The following ST3GAL4 variants were observed in gnomAD, a reference collection of about 807,000 sequenced individuals.
ST3GAL4 encodes CMP-N-acetylneuraminate-beta-galactosamide-alpha-2,3-sialyltransferase 4.
ST3GAL4 carries 24 observed loss-of-function variants against 42.6 expected under a neutral mutation model. The ratio of observed to expected loss-of-function variants is 0.56; its 90% confidence interval spans 0.41 to 0.79. The LOEUF is 0.79. ST3GAL4 is among the 30% of genes least tolerant of loss of function. ST3GAL4 has a pLI of 0.00. For missense variants in ST3GAL4, 311 were observed against 430.8 expected (o/e 0.72, Z 2.46); for synonymous variants, 135 against 163.2 (o/e 0.83, Z 1.32).
intron 1 of ST3GAL4, among the ~76,000 whole-genome samples, chr11:126,388,188 G>GT (rs1215552699): frequency 6.6e-6 from 1 of 152,188 alleles, no homozygotes; most frequent in Non-Finnish European, 1.5e-5. Flanking sequence ...GGTCCCTCGT[G>GT]TTTTGCTGTT....
rs2135390863 is a variant in ST3GAL4 at position 126,366,512 on chromosome 11, T to C, written c.-61+10670T>C. Among the ~76,000 whole-genome samples the C allele has an allele frequency of 6.6e-6, 1 of 152,160 alleles. No homozygotes were observed. The highest frequency in any genetic ancestry group is 1.9e-4 in the East Asian group (1 of 5,154). ...GACATGGGGAGGGGTGGGGCTTGCT[T>C]TCCTCACCCCGCTTCCCACGTCTTC... On this transcript the variant is annotated intron_variant, in intron 1 of 10. Transcript: ENST00000444328. This position sits in a 1 kb window ranked among gnomAD's most constrained non-coding sequence, Gnocchi z 4.2.
At chr11:126,377,912 T>A (rs1338913821) in intron 1 of ST3GAL4, among the ~76,000 whole-genome samples, 1 of 152,254 alleles carries the variant, frequency 6.6e-6, no homozygotes, top group Non-Finnish European at 1.5e-5. Context: ...ATTCGAAGTG[T>A]CAATTAAACT....
At chr11:126,387,578 G>A (rs988920382) in intron 1 of ST3GAL4, among the ~76,000 whole-genome samples, 2 of 151,980 alleles carry the variant, frequency 1.3e-5, no homozygotes, top group Non-Finnish European at 2.9e-5. Context: ...TGGGGAGGCT[G>A]AGGTGGGAGG....
At chr11:126,358,197 G>C (rs933018264) in intron 1 of ST3GAL4, among the ~76,000 whole-genome samples, 4 of 152,234 alleles carry the variant, frequency 2.6e-5, no homozygotes, top group Admixed American at 6.5e-5. Flanking sequence ...TGCCCCCTCA[G>C]TTCAGTCGCA....
intron 1 of ST3GAL4, among the ~76,000 whole-genome samples, chr11:126,390,522 A>G (rs1049994259): frequency 1.3e-4 from 20 of 151,602 alleles, no homozygotes; most frequent in African/African-American, 4.9e-5. Flanking sequence ...TTTGGTTTTA[A>G]TATGTATTCC....
rs1953837465 is a variant in ST3GAL4 at position 126,397,657 on chromosome 11, T to G, written c.-60-8439T>G. Among the ~76,000 whole-genome samples the G allele has an allele frequency of 6.6e-6, 1 of 152,178 alleles. No individual in the cohort carries two copies. Reference sequence around the variant, plus strand: ...CCATTACCACCAAGTAGGTAATTTATAAGGAGCAGAAGTTTATTTGGCTCA... The same window carrying G: ...CCATTACCACCAAGTAGGTAATTTAGAAGGAGCAGAAGTTTATTTGGCTCA... On this transcript the variant is annotated intron_variant, in intron 1 of 10. Coordinates refer to ENST00000444328, the MANE Select transcript of ST3GAL4 (RefSeq NM_001254757.2). The surrounding 1 kb of genome is among the most constrained non-coding windows in gnomAD (Gnocchi z 5.0).
At position 126,411,501 on chromosome 11, in the gene ST3GAL4, T is replaced by G. The variant is rs1288764810; in HGVS notation, c.772-2004T>G. On this transcript the variant is annotated intron_variant, in intron 9 of 10. Coordinates refer to ENST00000444328, the MANE Select transcript of ST3GAL4 (RefSeq NM_001254757.2). This position sits in a 1 kb window ranked among gnomAD's most constrained non-coding sequence, Gnocchi z 6.3. ...GTTTAGCCGGCTAAAACAATACCCATGTACTGGCTCATGGTCCTGTAGATC... is the reference window on the plus strand; with the variant it reads ...GTTTAGCCGGCTAAAACAATACCCAGGTACTGGCTCATGGTCCTGTAGATC... 6.6e-6 allele frequency among the ~76,000 whole-genome samples: 1 copy of G among 152,116 alleles called. No homozygotes were observed. Among genetic ancestry groups the G allele is most frequent in the African/African-American group, 2.4e-5 (1 of 41,420 alleles).
chr11:126,372,708 C>CCCGG (rs1952702390), intron 1 of ST3GAL4, among the ~76,000 whole-genome samples: 1 of 152,156 alleles, frequency 6.6e-6, no homozygotes, highest in South Asian at 2.1e-4. Context: ...GAGCCATTCA[C>CCCGG]CCGGCCGTCT....
rs34002567 is a variant in ST3GAL4, at chr11:126,392,960, CTTT to C, written c.-60-13120_-60-13118del. Among the ~76,000 whole-genome samples the C allele has an allele frequency of 8.4e-3, 1,075 of 127,792 alleles. 17 individuals carry two copies. Among genetic ancestry groups the C allele is most frequent in the African/African-American group, 0.029 (976 of 33,480 alleles). The allele number at this position is 127,792 out of a possible 152,430, so 83.8% of individuals were successfully genotyped here. On this transcript the variant is annotated intron_variant, in intron 1 of 10. Coordinates refer to ENST00000444328, the MANE Select transcript of ST3GAL4 (RefSeq NM_001254757.2). This position sits in a 1 kb window ranked among gnomAD's most constrained non-coding sequence, Gnocchi z 5.8. ...ATTTGTAACACGACCAACTCCTGTT[CTTT>C]TTTTTTTTTTTTTTTGAGACAGGCT...
rs1436093049 is a variant in ST3GAL4 at position 126,409,703 on chromosome 11, A to C, written c.771+292A>C. On this transcript the variant is annotated intron_variant, in intron 9 of 10. Transcript: ENST00000444328. This position sits in a 1 kb window ranked among gnomAD's most constrained non-coding sequence, Gnocchi z 4.9. ...GCTGGTCAGAATTTGTCAACTGGGGAGCTGCTGGAACAGTCAGTGGTCTGA... is the reference window on the plus strand; with the variant it reads ...GCTGGTCAGAATTTGTCAACTGGGGCGCTGCTGGAACAGTCAGTGGTCTGA... 6.6e-6 allele frequency among the ~76,000 whole-genome samples: 1 copy of C among 152,088 alleles called. No individual in the cohort carries two copies.
In ST3GAL4 at chr11:126,366,142, G is replaced by A. The variant is rs534354275; in HGVS notation, c.-61+10300G>A. Among the ~76,000 whole-genome samples the A allele has an allele frequency of 1.2e-4, 19 of 152,330 alleles. No homozygotes were observed. The highest frequency in any genetic ancestry group is 6.8e-3 in the Middle Eastern group (2 of 294). On this transcript the variant is annotated intron_variant, in intron 1 of 10. Coordinates refer to ENST00000444328, the MANE Select transcript of ST3GAL4 (RefSeq NM_001254757.2). This position sits in a 1 kb window ranked among gnomAD's most constrained non-coding sequence, Gnocchi z 4.2. ...CCCCTTAGAGGCTCCGGGCTGCCTG[G>A]TGATAGCTCCCAGGGACCTGCAAGC...
rs1953511915 is a variant in ST3GAL4 at position 126,391,491 on chromosome 11, A to AAGAC, written c.-60-14601_-60-14598dup. ...GACTTTAGGAGGTGCGGCTCTTGGAAAGACAGAGTGTGACTTCCCCAGTGT... is the reference window on the plus strand; with the variant it reads ...GACTTTAGGAGGTGCGGCTCTTGGAAAGACAGACAGAGTGTGACTTCCCCAGTGT... On this transcript the variant is annotated intron_variant, in intron 1 of 10. Coordinates refer to ENST00000444328, the MANE Select transcript of ST3GAL4 (RefSeq NM_001254757.2). This position sits in a 1 kb window ranked among gnomAD's most constrained non-coding sequence, Gnocchi z 5.5. Among the ~76,000 whole-genome samples, 1 of 152,078 alleles carries AAGAC rather than the reference A, an allele frequency of 6.6e-6. No homozygotes were observed. The highest frequency in any genetic ancestry group is 2.1e-4 in the South Asian group (1 of 4,824).
rs756182680 is a variant in ST3GAL4, at chr11:126,409,954, G to A, written c.771+543G>A. On this transcript the variant is annotated intron_variant, in intron 9 of 10. Coordinates refer to ENST00000444328, the MANE Select transcript of ST3GAL4 (RefSeq NM_001254757.2). This position sits in a 1 kb window ranked among gnomAD's most constrained non-coding sequence, Gnocchi z 4.9. ...GTCTCACTCTGCCACCCAGGATTGG[G>A]TGCAGTGGTGCAATCATAGCCCACT... Among the ~76,000 whole-genome samples, 48 of 152,168 alleles carry A rather than the reference G, an allele frequency of 3.2e-4. No homozygotes were observed. The highest frequency in any genetic ancestry group is 2.1e-3 in the Admixed American group (32 of 15,270).
rs116502257 is a variant in ST3GAL4 at position 126,384,761 on chromosome 11, T to C, written c.-60-21335T>C. 6.3e-3 allele frequency: 6,183 copies of C among 985,218 alleles called. 301 individuals carry two copies. In the African/African-American group the frequency reaches 0.1, roughly 16 times the overall value. 61.0% of individuals were successfully genotyped at this position (985,218 alleles called of 1,614,324 possible). A position where few individuals can be genotyped will look rare whatever the true frequency, so the allele number is the denominator to read the frequency against. Reference sequence around the variant, plus strand: ...AGGCTGGGCCATGGGTGAATCTGAGTCGAGGGCAGGACAGAGTGGGAGTGG... The same window carrying C: ...AGGCTGGGCCATGGGTGAATCTGAGCCGAGGGCAGGACAGAGTGGGAGTGG... On this transcript the variant is annotated intron_variant, in intron 1 of 10. Coordinates refer to ENST00000444328, the MANE Select transcript of ST3GAL4 (RefSeq NM_001254757.2). This position sits in a 1 kb window ranked among gnomAD's most constrained non-coding sequence, Gnocchi z 5.5.
Position 126,358,070 on chromosome 11 carries a change from G to T in ST3GAL4, c.-61+2228G>T, listed in dbSNP as rs1338763957. On this transcript the variant is annotated intron_variant, in intron 1 of 10. Coordinates refer to ENST00000444328, the MANE Select transcript of ST3GAL4 (RefSeq NM_001254757.2). ...TCCAAGCCTACAGATTGCCATCAAG[G>T]CAGCCGCTAGAGCCTAGCCCAGCTC... Among the ~76,000 whole-genome samples the T allele has an allele frequency of 2.6e-5, 4 of 152,262 alleles. No individual in the cohort carries two copies. The East Asian group carries it at 7.7e-4, about 29-fold the overall frequency.
rs1401800443 is a variant in ST3GAL4 at position 126,384,286 on chromosome 11, G to A, written c.-60-21810G>A. On this transcript the variant is annotated intron_variant, in intron 1 of 10. Transcript: ENST00000444328. This position sits in a 1 kb window ranked among gnomAD's most constrained non-coding sequence, Gnocchi z 5.5. Reference sequence around the variant, plus strand: ...TGAGGCAGAGGAAAGGGGTTTCTGAGCCCAGATCTCCGGTGCTCCAAGACA... The same window carrying A: ...TGAGGCAGAGGAAAGGGGTTTCTGAACCCAGATCTCCGGTGCTCCAAGACA... Among the ~76,000 whole-genome samples, 1 of 152,188 alleles carries A rather than the reference G, an allele frequency of 6.6e-6. No homozygotes were observed. The highest frequency in any genetic ancestry group is 6.5e-5 in the Admixed American group (1 of 15,280).
Position 126,393,261 on chromosome 11 carries a change from T to A in ST3GAL4, c.-60-12835T>A, listed in dbSNP as rs1349315093. 2 of 152,236 alleles carry A rather than the reference T, an allele frequency of 1.3e-5. No individual in the cohort carries two copies. The highest frequency in any genetic ancestry group is 4.8e-5 in the African/African-American group (2 of 41,448). 9.4% of individuals were successfully genotyped at this position (152,236 alleles called of 1,614,324 possible). A position where few individuals can be genotyped will look rare whatever the true frequency, so the allele number is the denominator to read the frequency against. On this transcript the variant is annotated intron_variant, in intron 1 of 10. Coordinates refer to ENST00000444328, the MANE Select transcript of ST3GAL4 (RefSeq NM_001254757.2). The surrounding 1 kb of genome is among the most constrained non-coding windows in gnomAD (Gnocchi z 5.9). ...GGTGAACCAGTTTCATCTGACCTGC[T>A]TGCTAACTCAAACATGGCTGCCCAA...
At position 126,408,290 on chromosome 11, in the gene ST3GAL4, C is replaced by T; in HGVS notation, c.438-17C>T. The T allele has an allele frequency of 6.2e-7, 1 of 1,613,124 alleles. No individual in the cohort carries two copies. The highest frequency in any genetic ancestry group is 1.1e-5 in the South Asian group (1 of 91,058). On this transcript the variant is annotated splice_polypyrimidine_tract_variant and intron_variant, in intron 7 of 10. Coordinates refer to ENST00000444328, the MANE Select transcript of ST3GAL4 (RefSeq NM_001254757.2). ...CAGGAGGCCTCTAGTGATGGGAATC[C>T]TCCTCCCAACCCCCAGATTGAACAA...
In ST3GAL4 at chr11:126,376,707, G is replaced by C. The variant is rs1204506288; in HGVS notation, c.-61+20865G>C. 6.6e-6 allele frequency: 1 copy of C among 152,136 alleles called. No homozygotes were observed. Among genetic ancestry groups the C allele is most frequent in the Non-Finnish European group, 1.5e-5 (1 of 68,030 alleles). The allele number at this position is 152,136 out of a possible 1,614,324, so 9.4% of individuals were successfully genotyped here. A position where few individuals can be genotyped will look rare whatever the true frequency, so the allele number is the denominator to read the frequency against. On this transcript the variant is annotated intron_variant, in intron 1 of 10. Transcript: ENST00000444328. This position sits in a 1 kb window ranked among gnomAD's most constrained non-coding sequence, Gnocchi z 5.1. ...TTGCTTTAACAATTCCTTGCTTCTG[G>C]TTATTCTCTCAGCAAGCTGATAGTG...
Sources: allele counts gnomAD v4.1 joint callset (sites outside exome capture counted in the v4.1 genomes callset), GRCh38; gene constraint gnomAD v4.1.1; non-coding constraint Gnocchi (gnomAD v3.1); transcripts MANE v1.5; gene names NCBI Gene and HGNC (gene_info 2026-07-23, HGNC 2026-07-21).